Variants in FSD1L observed in about 807,000 individuals in gnomAD.
FSD1L encodes FSD1-like protein.
In FSD1L, 45 loss-of-function variants were observed where a neutral mutation model predicts 71.6. The observed-to-expected ratio is 0.63, with a 90% CI of 0.49 to 0.81. The LOEUF (loss-of-function observed/expected upper bound fraction) is 0.81, where lower values mean the gene tolerates loss of function less well. Among genes scored for constraint, FSD1L ranks in the 30% least tolerant of loss-of-function variants. The pLI is 0.00. For missense variants in FSD1L, 561 were observed against 618.1 expected (o/e 0.91, Z 0.98); for synonymous variants, 197 against 207.2 (o/e 0.95, Z 0.42).
chr9:105,496,520 C>G (rs1833416203), intron 7 of FSD1L, among the ~76,000 whole-genome samples: 1 of 152,144 alleles, frequency 6.6e-6, no homozygotes, highest in Non-Finnish European at 1.5e-5. Context: ...TATTTCTATC[C>G]ATAAACATTG....
Position 105,491,777 on chromosome 9 carries a change from T to C in FSD1L, c.586+7275T>C, listed in dbSNP as rs372938723. Among the ~76,000 whole-genome samples, 5 of 151,848 alleles carry C rather than the reference T, an allele frequency of 3.3e-5. No individual in the cohort carries two copies. In the South Asian group the frequency reaches 6.3e-4, roughly 19 times the overall value. ...ATAATCATGTGGTTTTTGTCTTTGG[T>C]TCTGTTTGTATGCTGGATTACATTT... is the stretch of plus-strand genomic sequence containing the variant. On this transcript the variant is annotated intron_variant, in intron 7 of 13. Transcript: ENST00000481272.
In FSD1L at chr9:105,490,010, G is replaced by GTA. The variant is rs1022622362; in HGVS notation, c.586+5513_586+5514dup. On this transcript the variant is annotated intron_variant, in intron 7 of 13. Coordinates refer to ENST00000481272, the MANE Select transcript of FSD1L (RefSeq NM_001145313.3). Reference sequence around the variant, plus strand: ...AGCAGCATGATTTATAGTCCTTTGGGTATATACCCAGTAATGGGATGGCTG... The same window carrying GTA: ...AGCAGCATGATTTATAGTCCTTTGGGTATATATACCCAGTAATGGGATGGCTG... Among the ~76,000 whole-genome samples the GTA allele has an allele frequency of 2.4e-3, 370 of 152,226 alleles. 2 individuals carry two copies. The highest frequency in any genetic ancestry group is 8.5e-3 in the African/African-American group (354 of 41,532).
At chr9:105,490,053 A>G (rs1409484601) in intron 7 of FSD1L, among the ~76,000 whole-genome samples, 1 of 152,190 alleles carries the variant, frequency 6.6e-6, no homozygotes, top group African/African-American at 2.4e-5. Context: ...TGGTATTTCT[A>G]GTTCTAGATC....
chr9:105,503,595 T>A (rs7867012), intron 7 of FSD1L, among the ~76,000 whole-genome samples: 1 of 152,148 alleles, frequency 6.6e-6, no homozygotes, highest in East Asian at 1.9e-4. Flanking sequence ...ATTTCTACAC[T>A]ATTGCTAGTT....
chr9:105,538,375 G>A (rs1405302260), intron 12 of FSD1L, among the ~76,000 whole-genome samples: 1 of 152,040 alleles, frequency 6.6e-6, no homozygotes, highest in Non-Finnish European at 1.5e-5. Flanking sequence ...TTCCTCTTTG[G>A]TGGCAGTTGA....
chr9:105,503,876 C>A (rs1179733967), intron 7 of FSD1L, among the ~76,000 whole-genome samples: 1 of 152,164 alleles, frequency 6.6e-6, no homozygotes, highest in African/African-American at 2.4e-5. Context: ...TCACCACTTT[C>A]TTATTTTTTT....
intron 8 of FSD1L, among the ~76,000 whole-genome samples, chr9:105,508,174 CTTTTTT>C (rs11320443): frequency 1.0e-5 from 1 of 100,478 alleles, no homozygotes; most frequent in Non-Finnish European, 1.9e-5. Flanking sequence ...ACATATCACT[CTTTTTT>C]TTTTTTTTTT....
At chr9:105,494,090 G>C (rs1486349950) in intron 7 of FSD1L, among the ~76,000 whole-genome samples, 2 of 151,846 alleles carry the variant, frequency 1.3e-5, no homozygotes, top group Admixed American at 6.6e-5. Context: ...ATATCCTGCA[G>C]AGTGTTTTCC....
chr9:105,521,637 C>T, intron 10 of FSD1L: 3 of 1,613,086 alleles, frequency 1.9e-6, no homozygotes, highest in Non-Finnish European at 1.7e-6. Context: ...TTCTTCAGAC[C>T]TCCCTTGCAT....
intron 7 of FSD1L, among the ~76,000 whole-genome samples, chr9:105,492,283 C>T (rs1833000787): frequency 6.6e-6 from 1 of 152,086 alleles, no homozygotes; most frequent in South Asian, 2.1e-4. Context: ...AGTTTATTTG[C>T]GTAGAGGTGT....
At position 105,508,074 on chromosome 9, in the gene FSD1L, G is replaced by A. The variant is rs147655678; in HGVS notation, c.797-543G>A. ...AGTAGAGACGGGGTTTCTCCATGTT[G>A]GTCAGGCAGGTCTCAAACTCCTGAC... On this transcript the variant is annotated intron_variant, in intron 8 of 13. Coordinates refer to ENST00000481272, the MANE Select transcript of FSD1L (RefSeq NM_001145313.3). Among the ~76,000 whole-genome samples, 532 of 151,430 alleles carry A rather than the reference G, an allele frequency of 3.5e-3. 5 individuals carry two copies. Among genetic ancestry groups the A allele is most frequent in the African/African-American group, 0.012 (500 of 41,292 alleles).
At chr9:105,484,354 TA>T in intron 6 of FSD1L, 26 bp from the exon 7 acceptor site, 1 of 1,430,582 alleles carries the variant, frequency 7.0e-7, no homozygotes, top group Non-Finnish European at 9.2e-7. Context: ...TTCTTTATTT[TA>T]AAAAGTATGT....
chr9:105,443,552 T>G (rs1025419129), upstream of FSD1L, among the ~76,000 whole-genome samples: 2 of 152,152 alleles, frequency 1.3e-5, no homozygotes, highest in Admixed American at 6.5e-5. Flanking sequence ...CTGTCTATAA[T>G]GAGTGCCCAG....
At chr9:105,523,779 A>C (rs1199430487) in intron 10 of FSD1L, 3 of 1,595,808 alleles carry the variant, frequency 1.9e-6, no homozygotes, top group Non-Finnish European at 2.6e-6. Context: ...CTACAATATA[A>C]TGCATTGTGG....
intron 7 of FSD1L, among the ~76,000 whole-genome samples, chr9:105,495,312 G>T (rs1189272831): frequency 6.6e-6 from 1 of 152,194 alleles, no homozygotes; most frequent in Middle Eastern, 3.2e-3. Context: ...GCCAGGTGCG[G>T]GATATAATCT....
chr9:105,486,833 A>AAGT (rs1410542175), intron 7 of FSD1L, among the ~76,000 whole-genome samples: 1 of 152,116 alleles, frequency 6.6e-6, no homozygotes, highest in Non-Finnish European at 1.5e-5. Flanking sequence ...AAAGAGTATA[A>AAGT]AGTAGCCCTC....
At chr9:105,487,870 CTG>C (rs1243899106) in intron 7 of FSD1L, among the ~76,000 whole-genome samples, 1 of 152,060 alleles carries the variant, frequency 6.6e-6, no homozygotes, top group Non-Finnish European at 1.5e-5. Context: ...TAAAAATAAA[CTG>C]TAGTTTTAGA....
At position 105,551,985 on chromosome 9, in the gene FSD1L, AGAT is replaced by A. The variant is rs1564166882; in HGVS notation, c.*5505_*5507del. 1 of 152,190 alleles carries A rather than the reference AGAT, an allele frequency of 6.6e-6. No homozygotes were observed. The highest frequency in any genetic ancestry group is 1.9e-4 in the East Asian group (1 of 5,206). 9.4% of individuals were successfully genotyped at this position (152,190 alleles called of 1,614,324 possible). On this transcript the variant is annotated 3_prime_UTR_variant, in exon 14 of 14. Coordinates refer to ENST00000481272, the MANE Select transcript of FSD1L (RefSeq NM_001145313.3). ...TTGTTGCATTATCATTTTTAAAAAA[AGAT>A]GAAGCATTTCAAAATCTTGTTAACC... is the stretch of plus-strand genomic sequence containing the variant.
At chr9:105,526,056 G>A (rs968138410) in intron 10 of FSD1L, 10 of 1,508,734 alleles carry the variant, frequency 6.6e-6, no homozygotes, top group Non-Finnish European at 9.2e-6. Context: ...TATATCCAAT[G>A]AAAAATCACA....
Sources: allele counts gnomAD v4.1 joint callset (sites outside exome capture counted in the v4.1 genomes callset), GRCh38; gene constraint gnomAD v4.1.1; transcripts MANE v1.5; gene names NCBI Gene and HGNC (gene_info 2026-07-23, HGNC 2026-07-21).